The following NYAP2 variants were observed in gnomAD, a reference collection of about 807,000 sequenced individuals.
NYAP2 encodes the protein neuronal tyrosine-phosphorylated phosphoinositide-3-kinase adaptor 2.
NYAP2 carries 23 observed loss-of-function variants against 50.4 expected under a neutral mutation model. The observed-to-expected ratio is 0.46, with a 90% CI of 0.33 to 0.65. The LOEUF (loss-of-function observed/expected upper bound fraction) is 0.65. Among genes scored for constraint, NYAP2 ranks in the 30% least tolerant of loss-of-function variants. The probability of loss-of-function intolerance (pLI) is 0.02; values close to 1 mark genes in which losing one functional copy is unlikely to be tolerated. For synonymous variants in NYAP2, 394 were observed against 365.2 expected (o/e 1.08, Z -0.90); for missense variants, 885 against 861.0 (o/e 1.03, Z -0.35).
chr2:225,698,709 A>G, the NYAP2 span: 1 of 151,996 alleles, frequency 6.6e-6, no homozygotes, highest in African/African-American at 2.4e-5. Flanking sequence ...TGTCCTTGCA[A>G]TGAAGGCACA....
chr2:225,651,337 G>A, intron 6 of NYAP2, 95 bp from the exon 7 acceptor site: 1 of 1,508,600 alleles, frequency 6.6e-7, no homozygotes. Context: ...TATATTCCAA[G>A]AATAAGTAGC....
rs181299752 is a variant in NYAP2, at chr2:225,401,720, A to C, written c.-18+677A>C. 2.6e-4 allele frequency among the ~76,000 whole-genome samples: 40 copies of C among 151,816 alleles called. No individual in the cohort carries two copies. In the East Asian group the frequency reaches 7.8e-3, roughly 29 times the overall value. Reference sequence around the variant, plus strand: ...ATCCTAATTTTTCCAACTACTCAGCAATATTTTAAATACAAGACATGTGAG... The same window carrying C: ...ATCCTAATTTTTCCAACTACTCAGCCATATTTTAAATACAAGACATGTGAG... On this transcript the variant is annotated intron_variant, in intron 2 of 6. Coordinates refer to ENST00000636099, the Ensembl canonical transcript of NYAP2.
chr2:225,441,145 T>C (rs568358950), intron 3 of NYAP2, among the ~76,000 whole-genome samples: 1 of 152,348 alleles, frequency 6.6e-6, no homozygotes, highest in South Asian at 2.1e-4. Context: ...GGCTGAGTCC[T>C]TAAGAGCTAC....
chr2:225,654,970 G>A (rs1172215169), downstream of NYAP2, among the ~76,000 whole-genome samples: 1 of 152,202 alleles, frequency 6.6e-6, no homozygotes. Flanking sequence ...TTAGGTGAAA[G>A]TGCTTGACAT....
At chr2:225,449,379 G>T (rs1004886190) in intron 3 of NYAP2, among the ~76,000 whole-genome samples, 2 of 152,148 alleles carry the variant, frequency 1.3e-5, no homozygotes, top group Non-Finnish European at 2.9e-5. Flanking sequence ...TGATAGATAT[G>T]AAGTACTGTC....
the NYAP2 span, among the ~76,000 whole-genome samples, chr2:225,693,101 A>G: frequency 6.6e-6 from 1 of 152,080 alleles, no homozygotes; most frequent in Non-Finnish European, 1.5e-5. Context: ...GCTTAAATCC[A>G]TACTGTATTC....
chr2:225,566,046 T>A (rs1406070372), intron 4 of NYAP2, among the ~76,000 whole-genome samples: 1 of 152,160 alleles, frequency 6.6e-6, no homozygotes, highest in African/African-American at 2.4e-5. Context: ...TAATTCAATT[T>A]CTCTATAACT....
chr2:225,435,058 C>T (rs776792551), intron 3 of NYAP2, among the ~76,000 whole-genome samples: 1 of 152,170 alleles, frequency 6.6e-6, no homozygotes, highest in Non-Finnish European at 1.5e-5. Flanking sequence ...TGGTACTACT[C>T]TTCCTGCATT....
intron 3 of NYAP2, among the ~76,000 whole-genome samples, chr2:225,507,435 CTG>C (rs1446133558): frequency 6.6e-6 from 1 of 152,154 alleles, no homozygotes; most frequent in African/African-American, 2.4e-5. Flanking sequence ...AAGGAACAAA[CTG>C]TGGTGATTAG....
At chr2:225,590,710 CTGT>C (rs1285469456) in intron 5 of NYAP2, among the ~76,000 whole-genome samples, 1 of 152,178 alleles carries the variant, frequency 6.6e-6, no homozygotes, top group African/African-American at 2.4e-5. Flanking sequence ...AAATGAGTGA[CTGT>C]TGTTTTCCTT....
chr2:225,513,328 G>C (rs1396973722), intron 3 of NYAP2, 43 bp from the exon 4 acceptor site: 1 of 1,581,666 alleles, frequency 6.3e-7, no homozygotes, highest in Non-Finnish European at 8.7e-7. Flanking sequence ...GTATATCCTG[G>C]CTCCTTTTGT....
At chr2:225,665,606 G>C in the NYAP2 span, among the ~76,000 whole-genome samples, 8 of 149,436 alleles carry the variant, frequency 5.4e-5, no homozygotes, top group African/African-American at 2.0e-4. Context: ...AAAAAGAGTT[G>C]GAGACCAGCC....
chr2:225,581,338 T>C (rs1172300703), intron 4 of NYAP2, among the ~76,000 whole-genome samples: 1 of 152,192 alleles, frequency 6.6e-6, no homozygotes, highest in Non-Finnish European at 1.5e-5. Context: ...ATTTAAAGAT[T>C]AACTTGTCTA....
At chr2:225,529,833 G>A (rs1691223281) in intron 4 of NYAP2, among the ~76,000 whole-genome samples, 1 of 152,138 alleles carries the variant, frequency 6.6e-6, no homozygotes, top group African/African-American at 2.4e-5. Flanking sequence ...TCAGCCTCCT[G>A]AGTAGCTAAG....
At chr2:225,703,521 A>C in the NYAP2 span, 1 of 151,760 alleles carries the variant, frequency 6.6e-6, no homozygotes, top group Non-Finnish European at 1.5e-5. Context: ...ATGTACTTTG[A>C]TACTACTAAA....
At chr2:225,523,064 G>T (rs1237433243) in intron 4 of NYAP2, among the ~76,000 whole-genome samples, 1 of 152,016 alleles carries the variant, frequency 6.6e-6, no homozygotes, top group African/African-American at 2.4e-5. Context: ...GAACTTACAG[G>T]TTTCCCAGAT....
In NYAP2 at chr2:225,480,368, TA is replaced by T. The variant is rs1362855718; in HGVS notation, c.222-32998del. ...TCTGATACAAACCAAAATGTACTGTTAAAAATTGGAAGCATAATGGAGATAT... is the reference window on the plus strand; with the variant it reads ...TCTGATACAAACCAAAATGTACTGTTAAAATTGGAAGCATAATGGAGATAT... On this transcript the variant is annotated intron_variant, in intron 3 of 6. Transcript: ENST00000636099. Among the ~76,000 whole-genome samples the T allele has an allele frequency of 5.3e-5, 8 of 152,140 alleles. 1 individual carries two copies. The South Asian group carries it at 1.2e-3, about 24-fold the overall frequency.
chr2:225,520,058 C>T (rs904683236), intron 4 of NYAP2, among the ~76,000 whole-genome samples: 8 of 152,214 alleles, frequency 5.3e-5, no homozygotes, highest in African/African-American at 1.7e-4. Context: ...TTTTCAGTTA[C>T]ATAAATGTCT....
intron 4 of NYAP2, among the ~76,000 whole-genome samples, chr2:225,549,642 G>A (rs1267290625): frequency 1.3e-5 from 2 of 152,084 alleles, no homozygotes. Context: ...TTTAGCTATC[G>A]AGTTAGACAA....
Sources: gnomAD v4.1 joint callset for allele counts (sites outside exome capture counted in the v4.1 genomes callset) on GRCh38, gnomAD v4.1.1 for gene constraint, MANE v1.5 for transcripts, NCBI Gene and HGNC (gene_info 2026-07-23, HGNC 2026-07-21) for gene names.